RARB: variants seen among roughly 807,000 people sequenced by gnomAD.
RARB encodes retinoic acid receptor beta, also known as HBV-activated protein.
In RARB, 17 loss-of-function variants were observed where a neutral mutation model predicts 51.9. The observed-to-expected ratio is 0.33, with a 90% CI of 0.22 to 0.49. The LOEUF (loss-of-function observed/expected upper bound fraction) is 0.49, where lower values mean the gene tolerates loss of function less well. RARB is among the 20% of genes least tolerant of loss of function. The pLI is 0.99. For missense variants in RARB, 369 were observed against 550.8 expected, an observed-to-expected ratio of 0.67 and a Z score of 3.30; for synonymous variants, 215 against 195.4, an observed-to-expected ratio of 1.10 and a Z score of -0.84.
At position 24,932,251 on chromosome 3, in the gene RARB, C is replaced by A. The variant is rs116560959; in HGVS notation, c.-380+73499C>A. Among the ~76,000 whole-genome samples, 791 of 152,146 alleles carry A rather than the reference C, an allele frequency of 5.2e-3. 5 individuals carry two copies. Among genetic ancestry groups the A allele is most frequent in the African/African-American group, 0.018 (755 of 41,500 alleles). On this transcript the variant is annotated intron_variant, in intron 2 of 11. Coordinates refer to the RARB transcript ENST00000383772. Reference sequence around the variant, plus strand: ...AGAGATAAAGGGGAGGAAACAGTAACTCCAAAAGTATCTTGAAGTCACCAT... The same window carrying A: ...AGAGATAAAGGGGAGGAAACAGTAAATCCAAAAGTATCTTGAAGTCACCAT...
chr3:25,390,089 C>G (rs77601817), intron 5 of RARB, among the ~76,000 whole-genome samples: 2,649 of 152,170 alleles, frequency 0.017, 84 homozygotes, highest in African/African-American at 0.06. Context: ...CCCCAAAATT[C>G]ATATGTTGAA....
intron 5 of RARB, among the ~76,000 whole-genome samples, chr3:25,224,188 C>G (rs1702006075): frequency 6.6e-6 from 1 of 152,104 alleles, no homozygotes; most frequent in Non-Finnish European, 1.5e-5. Context: ...TTTTAATAGC[C>G]TATTAATGCC....
chr3:25,305,782 A>T (rs939260044), intron 5 of RARB, among the ~76,000 whole-genome samples: 1 of 152,226 alleles, frequency 6.6e-6, no homozygotes, highest in African/African-American at 2.4e-5. Flanking sequence ...AATGTCACAC[A>T]GTGGTATAAA....
At chr3:25,031,346 A>G (rs1252780576) in intron 2 of RARB, among the ~76,000 whole-genome samples, 1 of 152,214 alleles carries the variant, frequency 6.6e-6, no homozygotes, top group East Asian at 1.9e-4. Context: ...AGAAACAGAA[A>G]CATAGAGCAG....
intron 3 of RARB, among the ~76,000 whole-genome samples, chr3:25,103,155 T>C (rs1210412585): frequency 1.3e-5 from 2 of 152,148 alleles, no homozygotes; most frequent in African/African-American, 4.8e-5. Flanking sequence ...ATCATGAGCT[T>C]CGTTCCCCTC....
intron 4 of RARB, among the ~76,000 whole-genome samples, chr3:25,163,816 A>T (rs1409428793): frequency 1.3e-5 from 2 of 152,082 alleles, no homozygotes; most frequent in African/African-American, 4.8e-5. Context: ...ATTCCACTAA[A>T]TTCAGTTGTG....
intron 2 of RARB, among the ~76,000 whole-genome samples, chr3:24,947,018 C>T (rs781235256): frequency 4.3e-4 from 66 of 152,078 alleles, no homozygotes; most frequent in Non-Finnish European, 7.1e-4. Context: ...ATATAGGAAA[C>T]GTGACCTTTG....
chr3:25,510,353 G>A (rs1697826116), intron 3 of RARB, among the ~76,000 whole-genome samples: 1 of 152,212 alleles, frequency 6.6e-6, no homozygotes, highest in Admixed American at 6.5e-5. Context: ...GCCGGGCACA[G>A]TGGCCCACAC....
At chr3:25,056,116 CA>C (rs1210334030) in intron 2 of RARB, among the ~76,000 whole-genome samples, 1 of 152,092 alleles carries the variant, frequency 6.6e-6, no homozygotes, top group Admixed American at 6.6e-5. Context: ...GGAGAGGTTT[CA>C]GGGGGTCAAG....
chr3:25,499,180 G>T (rs528506498), intron 2 of RARB, among the ~76,000 whole-genome samples: 3 of 152,288 alleles, frequency 2.0e-5, no homozygotes, highest in South Asian at 4.1e-4. Context: ...AGCATTCTTT[G>T]CTAATGTGCT....
At chr3:25,174,463 C>A (rs774546913) in exon 5 of RARB, 5 of 1,352,132 alleles carry the variant, frequency 3.7e-6, no homozygotes, top group Non-Finnish European at 3.9e-6. Context: ...ACTATCCAGC[C>A]ACACCCTACC....
chr3:24,944,169 A>G (rs1559406062), intron 2 of RARB, among the ~76,000 whole-genome samples: 1 of 152,176 alleles, frequency 6.6e-6, no homozygotes. Flanking sequence ...TTCAAAGCCC[A>G]TGGCAGACCT....
At chr3:24,917,182 C>T (rs1222602041) in intron 2 of RARB, among the ~76,000 whole-genome samples, 1 of 152,040 alleles carries the variant, frequency 6.6e-6, no homozygotes, top group East Asian at 1.9e-4. Context: ...TAGAATCTTA[C>T]CCTTGCCATA....
At chr3:25,191,660 T>C (rs758560511) in intron 5 of RARB, among the ~76,000 whole-genome samples, 18 of 152,120 alleles carry the variant, frequency 1.2e-4, no homozygotes, top group Non-Finnish European at 1.8e-4. Context: ...GTAACTTGCA[T>C]TGGGGGAAGA....
chr3:25,026,136 T>C (rs1245930699), intron 2 of RARB, among the ~76,000 whole-genome samples: 1 of 152,138 alleles, frequency 6.6e-6, no homozygotes, highest in Non-Finnish European at 1.5e-5. Context: ...CCTTCTTAGA[T>C]ACCTGCACTT....
At chr3:25,478,014 G>T (rs1049280528) in intron 2 of RARB, among the ~76,000 whole-genome samples, 15 of 152,194 alleles carry the variant, frequency 9.9e-5, no homozygotes, top group African/African-American at 3.4e-4. Flanking sequence ...ATCAATACAA[G>T]CAGCTTCTTG....
intron 2 of RARB, among the ~76,000 whole-genome samples, chr3:25,466,923 C>G (rs1462103546): frequency 6.6e-6 from 1 of 152,230 alleles, no homozygotes; most frequent in Admixed American, 6.5e-5. Context: ...ACTTCTAAAA[C>G]TCAGAAGCTG....
intron 3 of RARB, among the ~76,000 whole-genome samples, chr3:25,518,434 A>T (rs1698267042): frequency 1.3e-5 from 2 of 152,148 alleles, no homozygotes; most frequent in South Asian, 4.1e-4. Context: ...GAGTACTGGG[A>T]GACGTCATTT....
intron 5 of RARB, among the ~76,000 whole-genome samples, chr3:25,367,068 C>G (rs998850491): frequency 6.6e-6 from 1 of 152,158 alleles, no homozygotes; most frequent in African/African-American, 2.4e-5. Context: ...CATATTCCAT[C>G]TTTTCTTTCT....
Sources: gnomAD v4.1 joint callset for allele counts (sites outside exome capture counted in the v4.1 genomes callset) on GRCh38, gnomAD v4.1.1 for gene constraint, MANE v1.5 for transcripts, NCBI Gene and HGNC (gene_info 2026-07-23, HGNC 2026-07-21) for gene names.